Variants in ADCY6 observed in about 807,000 individuals in gnomAD.
ADCY6 encodes adenylate cyclase 6, also known as adenylate cyclase type 6.
ADCY6 carries 59 observed loss-of-function variants against 111.6 expected under a neutral mutation model. The ratio of observed to expected loss-of-function variants is 0.53; its 90% CI spans 0.43 to 0.66. The LOEUF is 0.66. ADCY6 is among the 30% of genes least tolerant of loss of function. The probability of loss-of-function intolerance (pLI) is 0.00; values close to 1 mark genes in which losing one functional copy is unlikely to be tolerated. For synonymous variants in ADCY6, 576 were observed against 642.9 expected, an observed-to-expected ratio of 0.90 and a Z score of 1.57; for missense variants, 1,242 against 1,595.6, an observed-to-expected ratio of 0.78 and a Z score of 3.78.
chr12:48,782,700 A>G lies in ADCY6; in HGVS notation c.735T>C (p.Phe245=). Residue 245 remains phenylalanine (F), a synonymous_variant, in exon 2 of 22, where the codon TTT becomes TTC. Coordinates refer to ENST00000357869, the MANE Select transcript of ADCY6 (RefSeq NM_015270.5). The surrounding 1 kb of genome is among the most constrained non-coding windows in gnomAD (Gnocchi z 4.3). ...PSAGLWCPVF[F]VYIAYTLLPI... is the part of the protein sequence containing the mutation. Reference sequence around the variant, plus strand: ...GGAGGAGCGTGTAGGCGATGTAGACAAAGAACACAGGGCACCAGAGGCCCG... The same window carrying G: ...GGAGGAGCGTGTAGGCGATGTAGACGAAGAACACAGGGCACCAGAGGCCCG... The G allele has an allele frequency of 1.3e-6, 2 of 1,592,698 alleles. No individual in the cohort carries two copies. The highest frequency in any genetic ancestry group is 1.7e-6 in the Non-Finnish European group (2 of 1,168,768).
chr12:48,785,188 C>T (rs1298676278), intron 1 of ADCY6, among the ~76,000 whole-genome samples: 1 of 152,206 alleles, frequency 6.6e-6, no homozygotes, highest in Non-Finnish European at 1.5e-5. Flanking sequence ...TAGCTCTAAT[C>T]AGCAACTGCC....
chr12:48,774,560 C>T lies in ADCY6; in HGVS notation c.2167-42G>A, dbSNP rs553212075. 5.6e-6 allele frequency: 9 copies of T among 1,598,192 alleles called. No homozygotes were observed. The South Asian group carries it at 9.9e-5, about 18-fold the overall frequency. ...ACCAAGAGTTGAAGGTTGTATCAGC[C>T]AAGGAGGAATGGCAACCAGGGATGG... On this transcript the variant is annotated intron_variant, in intron 13 of 21. Coordinates refer to ENST00000357869, the MANE Select transcript of ADCY6 (RefSeq NM_015270.5).
Position 48,777,677 on chromosome 12 carries a change from G to A in ADCY6, c.1074C>T (p.Ile358=), listed in dbSNP as rs1418377427. Residue 358 remains isoleucine (I), a synonymous_variant, in exon 4 of 22, where the codon ATC becomes ATT. Coordinates refer to ENST00000357869, the MANE Select transcript of ADCY6 (RefSeq NM_015270.5). This position sits in a 1 kb window ranked among gnomAD's most constrained non-coding sequence, Gnocchi z 4.9. The part of the protein sequence containing the change: ...QHVAMEMKED[I]NTKKEDMMFH... ...ACATCATGTCTTCTTTTTTTGTGTTGATGTCTTCTTTCATCTCCATGGCAA... is the reference window on the plus strand; with the variant it reads ...ACATCATGTCTTCTTTTTTTGTGTTAATGTCTTCTTTCATCTCCATGGCAA... The A allele has an allele frequency of 1.9e-6, 3 of 1,613,902 alleles. No homozygotes were observed. The African/African-American group carries it at 4.0e-5, about 22-fold the overall frequency.
Position 48,771,941 on chromosome 12 carries a change from T to C in ADCY6, c.2820A>G (p.Leu940=). 6.2e-7 allele frequency: 1 copy of C among 1,613,640 alleles called. No homozygotes were observed. The highest frequency in any genetic ancestry group is 8.5e-7 in the Non-Finnish European group (1 of 1,179,684). ...ATGEKEEMEE[L]QAYNRRLLHN... is the part of the protein sequence containing the mutation. ...GCAGCAGCCTCCGGTTGTATGCCTG[T>C]AGCTCCTCCATCTCCTCCTTCTCCC... The change falls in exon 19 of 22, where the codon CTA becomes CTG. Residue 940 remains leucine, a synonymous_variant. Coordinates refer to ENST00000357869, the MANE Select transcript of ADCY6 (RefSeq NM_015270.5). The surrounding 1 kb of genome is among the most constrained non-coding windows in gnomAD (Gnocchi z 4.3).
intron 11 of ADCY6, 61 bp downstream of exon 11, chr12:48,775,242 C>A: frequency 6.2e-7 from 1 of 1,606,088 alleles, no homozygotes; most frequent in Non-Finnish European, 8.5e-7. Flanking sequence ...TGTGCTCAGC[C>A]TTCCCTGCTG....
Position 48,771,581 on chromosome 12 carries a change from A to G in ADCY6, c.3051+129T>C. The G allele has an allele frequency of 6.8e-7, 1 of 1,462,988 alleles. No homozygotes were observed. The highest frequency in any genetic ancestry group is 9.4e-7 in the Non-Finnish European group (1 of 1,058,314). 90.6% of individuals were successfully genotyped at this position (1,462,988 alleles called of 1,614,324 possible). ...TCTTGCCTCTGCCTCCACTGTGCAT[A>G]CCCTTACCCCTGATGACTCTGGGTC... On this transcript the variant is annotated intron_variant, in intron 19 of 21. Transcript: ENST00000357869. The surrounding 1 kb of genome is among the most constrained non-coding windows in gnomAD (Gnocchi z 4.3).
intron 1 of ADCY6, chr12:48,784,118 C>G (rs1235428045): frequency 6.6e-6 from 1 of 152,138 alleles, no homozygotes; most frequent in African/African-American, 2.4e-5. Context: ...GTGGTATGCA[C>G]CTATAGACCG....
Position 48,778,237 on chromosome 12 carries a change from C to G in ADCY6, c.885G>C (p.Leu295=). The G allele has an allele frequency of 6.2e-7, 1 of 1,614,120 alleles. No individual in the cohort carries two copies. Among genetic ancestry groups the G allele is most frequent in the South Asian group, 1.1e-5 (1 of 91,086 alleles). The part of the protein sequence containing the change: ...LWKQLGANVL[L]FLCTNVIGIC... ...TGCCAATGACGTTGGTGCAGAGGAACAGCAGCACATTGGCACCGAGCTGCA... is the reference window on the plus strand; with the variant it reads ...TGCCAATGACGTTGGTGCAGAGGAAGAGCAGCACATTGGCACCGAGCTGCA... Residue 295 remains leucine (L), a synonymous_variant, in exon 3 of 22, where the codon CTG becomes CTC. Coordinates refer to ENST00000357869, the MANE Select transcript of ADCY6 (RefSeq NM_015270.5).
rs200497674 is a variant in ADCY6, at chr12:48,772,556, T to C, written c.2622-13A>G. The C allele has an allele frequency of 5.6e-4, 904 of 1,614,082 alleles. 5 individuals carry two copies. In the African/African-American group the frequency reaches 0.01, roughly 18 times the overall value. On this transcript the variant is annotated splice_polypyrimidine_tract_variant and intron_variant, in intron 16 of 21. Coordinates refer to ENST00000357869, the MANE Select transcript of ADCY6 (RefSeq NM_015270.5). The stretch of plus-strand genomic sequence containing the variant: ...ATTGGAAGAAGCCCTGGTAAGAAGA[T>C]AGAAGAGACAAAGTCATCAGTGCTT...
At chr12:48,769,308 G>A (rs1163018660) in intron 20 of ADCY6, among the ~76,000 whole-genome samples, 1 of 151,246 alleles carries the variant, frequency 6.6e-6, no homozygotes, top group African/African-American at 2.4e-5. Flanking sequence ...AGCTACTTAG[G>A]AGGCTGAGGT....
At position 48,775,071 on chromosome 12, in the gene ADCY6, T is replaced by C; in HGVS notation, c.1981-17A>G. 2 of 1,546,266 alleles carry C rather than the reference T, an allele frequency of 1.3e-6. No individual in the cohort carries two copies. The highest frequency in any genetic ancestry group is 2.4e-5 in the South Asian group (2 of 83,944). On this transcript the variant is annotated splice_polypyrimidine_tract_variant and intron_variant, in intron 11 of 21. Coordinates refer to ENST00000357869, the MANE Select transcript of ADCY6 (RefSeq NM_015270.5). ...CCGGGAGTACTGAGGGAGAGGAGGC[T>C]GAGCTGAGTGCTGGGCCCTCCCTAA...
intron 2 of ADCY6, among the ~76,000 whole-genome samples, chr12:48,779,751 G>T (rs534909441): frequency 6.6e-6 from 1 of 152,340 alleles, no homozygotes; most frequent in South Asian, 2.1e-4. Flanking sequence ...CTGGTTTAAG[G>T]AGAAGGGAGA....
At chr12:48,774,594 G>A in intron 13 of ADCY6, 76 bp from the exon 14 acceptor site, 1 of 1,571,406 alleles carries the variant, frequency 6.4e-7, no homozygotes. Context: ...GGGGCCCAGT[G>A]GAAGAGGCAT....
chr12:48,786,352 C>T (rs563228257), intron 1 of ADCY6, among the ~76,000 whole-genome samples: 8 of 152,094 alleles, frequency 5.3e-5, no homozygotes, highest in East Asian at 3.9e-4. Context: ...CAGAGCAGCA[C>T]GTCCTTCAAC....
chr12:48,781,214 A>AAC (rs1941835923), intron 2 of ADCY6, among the ~76,000 whole-genome samples: 1 of 150,832 alleles, frequency 6.6e-6, no homozygotes, highest in African/African-American at 2.5e-5. Flanking sequence ...AAAAAAAAAA[A>AAC]CCACAAAAAA....
In ADCY6 at chr12:48,771,841, A is replaced by G; in HGVS notation, c.2920T>C (p.Ser974Pro). 1 of 1,614,140 alleles carries G rather than the reference A, an allele frequency of 6.2e-7. No individual in the cohort carries two copies. The highest frequency in any genetic ancestry group is 2.2e-5 in the East Asian group (1 of 44,878). ...AACATAACAGCCACACACTCACACG[A>G]CTGATAGTAGAGTTCATCATTGCGG... ...ERRNDELYYQ[S>P]CECVAVMFAS... The change falls in exon 19 of 22, where the codon TCG (serine) becomes CCG (proline). Residue 974 changes from serine to proline, a missense_variant. Coordinates refer to ENST00000357869, the MANE Select transcript of ADCY6 (RefSeq NM_015270.5). This position sits in a 1 kb window ranked among gnomAD's most constrained non-coding sequence, Gnocchi z 4.3.
In ADCY6 at chr12:48,789,064, C is replaced by G. The variant is rs1332053916; in HGVS notation, c.-163G>C. ...CGTCCGCCCGGCCCTCGCCCCCTCC[C>G]GAGCTGTCCAGCGCAGCCGCCCTCT... is the stretch of plus-strand genomic sequence containing the variant. On this transcript the variant is annotated 5_prime_UTR_variant, in exon 1 of 22. Transcript: ENST00000357869. 2 of 150,730 alleles carry G rather than the reference C, an allele frequency of 1.3e-5. No homozygotes were observed. The highest frequency in any genetic ancestry group is 3.9e-4 in the East Asian group (2 of 5,070). 9.3% of individuals were successfully genotyped at this position (150,730 alleles called of 1,614,324 possible). A position where few individuals can be genotyped will look rare whatever the true frequency, so the allele number is the denominator to read the frequency against.
At position 48,783,316 on chromosome 12, in the gene ADCY6, G is replaced by T. The variant is rs746537371; in HGVS notation, c.119C>A (p.Thr40Lys). The change falls in exon 2 of 22, where the codon ACG becomes AAG. Residue 40 changes from threonine to lysine, a missense_variant. Thr to Lys is a moderately conservative substitution (Grantham distance 78). Transcript: ENST00000357869. ...RRGTRAGGFC[T>K]PRYMSCLRDA... ...CCGGAGGCAGCTCATATAGCGGGGC[G>T]TGCAGAAGCCACCTGCCCGAGTGCC... 6.2e-7 allele frequency: 1 copy of T among 1,613,602 alleles called. No homozygotes were observed. Among genetic ancestry groups the T allele is most frequent in the Non-Finnish European group, 8.5e-7 (1 of 1,179,900 alleles).
intron 18 of ADCY6, 143 bp from the exon 19 acceptor site, chr12:48,772,116 G>A (rs1000968505): frequency 1.4e-6 from 2 of 1,385,186 alleles, no homozygotes; most frequent in South Asian, 1.5e-5. Flanking sequence ...AGGCAAAGGG[G>A]TAAAGGGGGC....
Sources: allele counts gnomAD v4.1 joint callset (sites outside exome capture counted in the v4.1 genomes callset), GRCh38; gene constraint gnomAD v4.1.1; non-coding constraint Gnocchi (gnomAD v3.1); transcripts MANE v1.5; gene names NCBI Gene and HGNC (gene_info 2026-07-23, HGNC 2026-07-21).